Variants in DLG3 observed in about 807,000 individuals in gnomAD.
DLG3 encodes discs large MAGUK scaffold protein 3, also known as disks large homolog 3.
Under a neutral mutation model 64.1 loss-of-function variants are expected in DLG3, and 1 was observed. The observed-to-expected ratio is 0.02, with a 90% CI of 0.01 to 0.07. DLG3 has a LOEUF of 0.07. Among genes scored for constraint, DLG3 ranks in the 10% least tolerant of loss-of-function variants. DLG3 has a pLI of 1.00. For synonymous variants in DLG3, 245 were observed against 259.8 expected (o/e 0.94, Z 0.55); for missense variants, 429 against 669.5 (o/e 0.64, Z 3.96).
In DLG3 at chrX:70,453,784, G is replaced by A. The variant is rs761647951; in HGVS notation, c.1293G>A (p.Arg431=). Residue 431 remains arginine, a synonymous_variant, in exon 8 of 19, where the codon CGG becomes CGA. Transcript: ENST00000374360. ...DLSGELRRGD[R]ILSVNGVNLR... is the part of the protein sequence containing the mutation. ...GTGGGGAGCTGCGCAGGGGAGACCGGATCTTATCGGTGAGGAGACAAAGGA... is the reference window on the plus strand; with the variant it reads ...GTGGGGAGCTGCGCAGGGGAGACCGAATCTTATCGGTGAGGAGACAAAGGA... The A allele has an allele frequency of 8.4e-7, 1 of 1,193,243 alleles. No homozygotes were observed. Among genetic ancestry groups the A allele is most frequent in the Non-Finnish European group, 1.1e-6 (1 of 885,247 alleles).
chrX:70,498,662 T>TGGA (rs896876999), intron 14 of DLG3, 92 bp downstream of exon 14: 1 of 842,135 alleles, frequency 1.2e-6, no homozygotes, highest in African/African-American at 2.7e-5. Context: ...GGGAGGGACC[T>TGGA]GGAGGAGGAG....
At chrX:70,472,937 A>T (rs1204432563) in intron 9 of DLG3, among the ~76,000 whole-genome samples, 1 of 110,854 alleles carries the variant, frequency 9.0e-6, no homozygotes, top group Non-Finnish European at 1.9e-5. Context: ...TGGGCAGATC[A>T]CCTGAGGTCA....
At chrX:70,449,546 G>C in intron 3 of DLG3, 63 bp downstream of exon 3, 5 of 1,159,750 alleles carry the variant, frequency 4.3e-6, no homozygotes, top group Non-Finnish European at 5.8e-6. Context: ...GGGGAGGAAA[G>C]CCTGCCTGGC....
chrX:70,472,825 G>A (rs1433869184), intron 9 of DLG3, among the ~76,000 whole-genome samples: 3 of 111,649 alleles, frequency 2.7e-5, no homozygotes, highest in African/African-American at 6.5e-5. Flanking sequence ...TCATTCAATG[G>A]CTTCTTTCCA....
rs188799794 is a variant in DLG3 at position 70,500,805 on chromosome X, C to A, written c.2256-93C>A. ...GGCCACTGCTGCTCTGAGAGGGCAG[C>A]TTAGCAGATTTTTAGGGATCCTGGA... On this transcript the variant is annotated intron_variant, in intron 17 of 18. Transcript: ENST00000374360. The A allele has an allele frequency of 9.8e-6, 9 of 918,535 alleles. 1 individual carries two copies. In the African/African-American group the frequency reaches 1.8e-4, roughly 18 times the overall value. The allele number at this position is 918,535 out of a possible 1,213,427, so 75.7% of individuals were successfully genotyped here.
chrX:70,451,695 G>A (rs976847425), intron 6 of DLG3, among the ~76,000 whole-genome samples, 172 bp from the exon 7 acceptor site: 5 of 111,711 alleles, frequency 4.5e-5, no homozygotes, highest in Non-Finnish European at 5.6e-5. Flanking sequence ...AAGGGACTGC[G>A]GAGGAGGAAC....
rs751751223 is a variant in DLG3 at position 70,481,151 on chromosome X, A to G, written c.1520+1887A>G. 1.1e-4 allele frequency among the ~76,000 whole-genome samples: 12 copies of G among 111,835 alleles called. No homozygotes were observed. In the South Asian group the frequency reaches 4.5e-3, roughly 42 times the overall value. ...TGAGCTGAGGCCCTTTGCTAAGCTA[A>G]CCCCTTTATCAGAACCTGGCTTACT... On this transcript the variant is annotated intron_variant, in intron 10 of 18. Coordinates refer to ENST00000374360, the MANE Select transcript of DLG3 (RefSeq NM_021120.4).
At chrX:70,487,928 G>C (rs772886045) in intron 10 of DLG3, among the ~76,000 whole-genome samples, 1 of 111,473 alleles carries the variant, frequency 9.0e-6, no homozygotes, top group East Asian at 2.8e-4. Flanking sequence ...TAAGATTACA[G>C]GTGTGAACCA....
chrX:70,495,279 C>A (rs770173802), intron 12 of DLG3, 129 bp from the exon 13 acceptor site: 2 of 588,628 alleles, frequency 3.4e-6, no homozygotes, highest in Non-Finnish European at 5.8e-6. Flanking sequence ...CTTCCTCCCC[C>A]CTTGTCTTTT....
intron 9 of DLG3, among the ~76,000 whole-genome samples, chrX:70,466,026 A>AT (rs1467120572): frequency 2.7e-5 from 3 of 111,669 alleles, no homozygotes; most frequent in Non-Finnish European, 5.6e-5. Flanking sequence ...GGGTATGAAC[A>AT]TACTTAAGGT....
At chrX:70,501,303 C>CT (rs1459983470) in intron 18 of DLG3, among the ~76,000 whole-genome samples, 1 of 110,488 alleles carries the variant, frequency 9.1e-6, no homozygotes, top group Non-Finnish European at 1.9e-5. Flanking sequence ...TCCACTCCCC[C>CT]TCCCCCAGTA....
chrX:70,445,413 C>T lies in DLG3; in HGVS notation c.212C>T (p.Thr71Ile), dbSNP rs1235884793. The stretch of plus-strand genomic sequence containing the variant: ...GCGGGGGCCACCCCCACCCCTCGCA[C>T]CAAGGCCAAGCTCATCCCCACCGGC... ...SQAGATPTPRTKAKLIPTGRD... is the reference protein window; with the variant it reads ...SQAGATPTPRIKAKLIPTGRD... Residue 71 changes from threonine to isoleucine, a missense_variant, in exon 1 of 19, where the codon ACC becomes ATC. By Grantham distance (89) the Thr-to-Ile change is moderately conservative (BLOSUM62 -1). Coordinates refer to ENST00000374360, the MANE Select transcript of DLG3 (RefSeq NM_021120.4). The T allele has an allele frequency of 8.4e-7, 1 of 1,190,377 alleles. No individual in the cohort carries two copies. Among genetic ancestry groups the T allele is most frequent in the Non-Finnish European group, 1.1e-6 (1 of 884,888 alleles).
At chrX:70,471,989 C>T (rs1271321407) in intron 9 of DLG3, among the ~76,000 whole-genome samples, 3 of 111,741 alleles carry the variant, frequency 2.7e-5, no homozygotes, top group Non-Finnish European at 5.6e-5. Flanking sequence ...TGTTTAAACA[C>T]TTAAACGCAG....
In DLG3 at chrX:70,449,354, T is replaced by C; in HGVS notation, c.409-5T>C. ...CAGACTGTGCCTTTCCACCCACTTC[T>C]GCAGGGCAACTCTGGCCTGGGCTTC... On this transcript the variant is annotated splice_polypyrimidine_tract_variant and splice_region_variant and intron_variant, in intron 2 of 18. Coordinates refer to ENST00000374360, the MANE Select transcript of DLG3 (RefSeq NM_021120.4). 8.3e-7 allele frequency: 1 copy of C among 1,211,811 alleles called. No individual in the cohort carries two copies. The highest frequency in any genetic ancestry group is 1.1e-6 in the Non-Finnish European group (1 of 895,508).
At position 70,499,216 on chromosome X, in the gene DLG3, G is replaced by A. The variant is rs1263278192; in HGVS notation, c.1911G>A (p.Lys637=). 13 of 1,209,735 alleles carry A rather than the reference G, an allele frequency of 1.1e-5. No individual in the cohort carries two copies. The highest frequency in any genetic ancestry group is 1.3e-5 in the Non-Finnish European group (12 of 894,599). The change falls in exon 15 of 19, where the codon AAG becomes AAA. Residue 637 remains lysine (K), a synonymous_variant. Transcript: ENST00000374360. ...ARPVIILGPM[K]DRVNDDLISE... ...CTGTGATCATCCTGGGCCCAATGAA[G>A]GACCGAGTCAATGATGACCTGATCT...
chrX:70,452,330 A>G, intron 7 of DLG3: 1 of 1,020,575 alleles, frequency 9.8e-7, no homozygotes, highest in Non-Finnish European at 1.2e-6. Flanking sequence ...AGGGCAGCGG[A>G]GTTTCCTGCC....
chrX:70,452,360 C>T (rs1282397522), intron 7 of DLG3: 3 of 986,962 alleles, frequency 3.0e-6, no homozygotes, highest in African/African-American at 4.0e-5. Flanking sequence ...TTGCAGCCCG[C>T]TCTGCTGCAA....
At chrX:70,452,562 TG>T in intron 7 of DLG3, 2 of 1,165,750 alleles carry the variant, frequency 1.7e-6, no homozygotes, top group East Asian at 3.2e-5. Flanking sequence ...CCCGAGAGGC[TG>T]GCGGGCAGGC....
chrX:70,480,009 A>G (rs2087125208), intron 10 of DLG3, among the ~76,000 whole-genome samples: 1 of 111,938 alleles, frequency 8.9e-6, no homozygotes. Flanking sequence ...GACTCCTCAT[A>G]GAATTAGGGA....
Sources: gnomAD v4.1 joint callset for allele counts (sites outside exome capture counted in the v4.1 genomes callset) on GRCh38, gnomAD v4.1.1 for gene constraint, MANE v1.5 for transcripts, NCBI Gene and HGNC (gene_info 2026-07-23, HGNC 2026-07-21) for gene names.